TMEM63A: variants seen among roughly 807,000 people sequenced by gnomAD.
TMEM63A encodes mechanosensitive cation channel TMEM63A.
TMEM63A carries 76 observed loss-of-function variants against 100.6 expected under a neutral mutation model. That is an observed-to-expected ratio of 0.76 (90% CI 0.63 to 0.91). TMEM63A has a LOEUF of 0.91. Among genes scored for constraint, TMEM63A ranks in the 40% least tolerant of loss-of-function variants. TMEM63A has a pLI of 0.00. For missense variants in TMEM63A, 876 were observed against 1,008.8 expected (o/e 0.87, Z 1.78); for synonymous variants, 401 against 401.1 (o/e 1.00, Z 0.00).
intron 18 of TMEM63A, among the ~76,000 whole-genome samples, chr1:225,854,603 G>A (rs1467753921): frequency 6.6e-6 from 1 of 152,184 alleles, no homozygotes; most frequent in South Asian, 2.1e-4. Flanking sequence ...GGTAAAAGTC[G>A]AGAGTTTGGT....
At chr1:225,860,800 G>T in intron 14 of TMEM63A, 60 bp downstream of exon 14, 1 of 1,532,038 alleles carries the variant, frequency 6.5e-7, no homozygotes, top group Non-Finnish European at 8.8e-7. Flanking sequence ...TCCAGGTGAT[G>T]GGCAGCTCCC....
chr1:225,844,991 G>A (rs2102793997), downstream of TMEM63A, among the ~76,000 whole-genome samples: 1 of 152,286 alleles, frequency 6.6e-6, no homozygotes, highest in East Asian at 1.9e-4. Context: ...CTCAGTGAGG[G>A]GAGAGCGGTT....
chr1:225,841,744 G>T (rs1398927083), downstream of TMEM63A, among the ~76,000 whole-genome samples: 1 of 151,748 alleles, frequency 6.6e-6, no homozygotes, highest in Non-Finnish European at 1.5e-5. Flanking sequence ...TGGGATTACA[G>T]GCATGCACCA....
At position 225,867,879 on chromosome 1, in the gene TMEM63A, GGTC is replaced by G; in HGVS notation, c.514+6_514+8del. 6.2e-7 allele frequency: 1 copy of G among 1,614,004 alleles called. No individual in the cohort carries two copies. On this transcript the variant is annotated splice_donor_region_variant and intron_variant, in intron 7 of 24. Transcript: ENST00000366835. The surrounding 1 kb of genome is among the most constrained non-coding windows in gnomAD (Gnocchi z 4.6). ...TTACAACATAGACAAGGGTGAGGAG[GGTC>G]ATTACCCAGCAAGTCCCCTGAGAGG... is the stretch of plus-strand genomic sequence containing the variant.
In TMEM63A at chr1:225,846,788, G is replaced by A. The variant is rs910825834; in HGVS notation, c.*151C>T. The stretch of plus-strand genomic sequence containing the variant: ...AACTGGGTGAGCAAGGGAGGGGCGA[G>A]GCCTGCCTGTGCTCTCCTCACCACT... On this transcript the variant is annotated 3_prime_UTR_variant, in exon 25 of 25. Transcript: ENST00000366835. 9.8e-6 allele frequency: 4 copies of A among 407,544 alleles called. No individual in the cohort carries two copies. Among genetic ancestry groups the A allele is most frequent in the African/African-American group, 6.1e-5 (3 of 48,926 alleles). 25.2% of individuals were successfully genotyped at this position (407,544 alleles called of 1,614,324 possible). A position where few individuals can be genotyped will look rare whatever the true frequency, so the allele number is the denominator to read the frequency against.
At position 225,877,609 on chromosome 1, in the gene TMEM63A, A is replaced by G. The variant is rs770267879; in HGVS notation, c.-14-15T>C. 6 of 1,604,034 alleles carry G rather than the reference A, an allele frequency of 3.7e-6. No individual in the cohort carries two copies. The African/African-American group carries it at 6.7e-5, about 18-fold the overall frequency. On this transcript the variant is annotated splice_polypyrimidine_tract_variant and intron_variant, in intron 2 of 24. Transcript: ENST00000366835. ...GCCTGTCTTCCCTGGAGCACAGGAC[A>G]ACAGGACAAGGCAGACGTTCAGGGC...
At chr1:225,874,438 G>T in intron 3 of TMEM63A, 71 bp from the exon 4 acceptor site, 1 of 1,400,004 alleles carries the variant, frequency 7.1e-7, no homozygotes, top group East Asian at 2.3e-5. Flanking sequence ...GCGGTCTCAG[G>T]GGTAAAGCCC....
chr1:225,853,615 C>T lies in TMEM63A; in HGVS notation c.1797+14G>A, dbSNP rs1444804203. 1 of 1,548,228 alleles carries T rather than the reference C, an allele frequency of 6.5e-7. No homozygotes were observed. The highest frequency in any genetic ancestry group is 8.7e-7 in the Non-Finnish European group (1 of 1,144,720). On this transcript the variant is annotated intron_variant, in intron 19 of 24. Coordinates refer to ENST00000366835, the MANE Select transcript of TMEM63A (RefSeq NM_014698.3). This position sits in a 1 kb window ranked among gnomAD's most constrained non-coding sequence, Gnocchi z 4.0. Reference sequence around the variant, plus strand: ...GGGAGTCAGAGGCACAGCCCTGGGCCCAGGGGATGGCACCTGCTTGACATT... The same window carrying T: ...GGGAGTCAGAGGCACAGCCCTGGGCTCAGGGGATGGCACCTGCTTGACATT...
At chr1:225,842,040 C>T (rs559010310), downstream of TMEM63A, among the ~76,000 whole-genome samples, 25 of 152,348 alleles carry the variant, frequency 1.6e-4, no homozygotes, top group African/African-American at 5.8e-4. Flanking sequence ...TGAAAAACCC[C>T]GCCTTTTTAA....
At chr1:225,857,379 C>CGGGGGGGGGGGGGG (rs369068747) in intron 15 of TMEM63A, among the ~76,000 whole-genome samples, 17 of 112,748 alleles carry the variant, frequency 1.5e-4, no homozygotes, top group African/African-American at 4.8e-4. Flanking sequence ...TCCTGGCCGG[C>CGGGGGGGGGGGGGG]GGGGCGGGGG....
At chr1:225,881,752 C>A (rs1671100931) in intron 1 of TMEM63A, among the ~76,000 whole-genome samples, 1 of 152,188 alleles carries the variant, frequency 6.6e-6, no homozygotes, top group Admixed American at 6.5e-5. Flanking sequence ...GGAACCTTTG[C>A]GGATTTGGTT....
intron 15 of TMEM63A, 132 bp from the exon 16 acceptor site, chr1:225,857,149 A>T: frequency 2.9e-6 from 2 of 678,126 alleles, no homozygotes; most frequent in South Asian, 5.1e-5. Context: ...CCCAGAACCA[A>T]AACTGTGCCA....
chr1:225,867,947 AC>A lies in TMEM63A; in HGVS notation c.454del (p.Val152TrpfsTer32). On this transcript the variant is annotated frameshift_variant, in exon 7 of 25. Transcript: ENST00000366835. LOFTEE classifies it high-confidence loss of function. The surrounding 1 kb of genome is among the most constrained non-coding windows in gnomAD (Gnocchi z 4.6). The stretch of plus-strand genomic sequence containing the variant: ...GACACACAGGGACAAAAAGCTGACC[AC>A]CACCAACAGGAAGATGATGTGCCTC... ...FQRHIIFLLVVVSFLSLCVIL... is the reference protein window; with the variant it reads ...FQRHIIFLLVXVSFLSLCVIL... 6.2e-7 allele frequency: 1 copy of A among 1,614,154 alleles called. No homozygotes were observed. Among genetic ancestry groups the A allele is most frequent in the Non-Finnish European group, 8.5e-7 (1 of 1,180,022 alleles).
chr1:225,843,528 CA>C (rs1668616438), downstream of TMEM63A, among the ~76,000 whole-genome samples: 1 of 152,200 alleles, frequency 6.6e-6, no homozygotes, highest in South Asian at 2.1e-4. Flanking sequence ...GGAGCTTCTG[CA>C]AGACCACCTT....
downstream of TMEM63A, among the ~76,000 whole-genome samples, chr1:225,842,186 C>T (rs958922695): frequency 6.6e-6 from 1 of 152,178 alleles, no homozygotes; most frequent in African/African-American, 2.4e-5. Flanking sequence ...ATGAGGATGC[C>T]GAGGCAGAGT....
chr1:225,877,034 C>A (rs112977550), intron 3 of TMEM63A, among the ~76,000 whole-genome samples: 1 of 152,108 alleles, frequency 6.6e-6, no homozygotes, highest in East Asian at 1.9e-4. Context: ...TATTCTAGTC[C>A]GTACTCTCCA....
In TMEM63A at chr1:225,866,696, C is replaced by T. The variant is rs776041956; in HGVS notation, c.567-14G>A. 1 of 1,612,388 alleles carries T rather than the reference C, an allele frequency of 6.2e-7. No individual in the cohort carries two copies. On this transcript the variant is annotated splice_polypyrimidine_tract_variant and intron_variant, in intron 8 of 24. Coordinates refer to ENST00000366835, the MANE Select transcript of TMEM63A (RefSeq NM_014698.3). Reference sequence around the variant, plus strand: ...AGGAGGTCATTGCTGAGAGGGAAACCACCTGCCATCAGGGCTGGGATCCCA... The same window carrying T: ...AGGAGGTCATTGCTGAGAGGGAAACTACCTGCCATCAGGGCTGGGATCCCA...
At chr1:225,870,697 C>T (rs747638581) in intron 6 of TMEM63A, among the ~76,000 whole-genome samples, 3 of 152,170 alleles carry the variant, frequency 2.0e-5, no homozygotes, top group Non-Finnish European at 2.9e-5. Context: ...AAAAAAATAG[C>T]TTTAATTAGT....
intron 23 of TMEM63A, chr1:225,848,265 T>A: frequency 1.8e-6 from 1 of 552,660 alleles, no homozygotes; most frequent in South Asian, 2.4e-5. Flanking sequence ...CCAAGGGGGA[T>A]GGCCATGAAT....
Sources: allele counts gnomAD v4.1 joint callset (sites outside exome capture counted in the v4.1 genomes callset), GRCh38; gene constraint gnomAD v4.1.1; non-coding constraint Gnocchi (gnomAD v3.1); transcripts MANE v1.5; gene names NCBI Gene and HGNC (gene_info 2026-07-23, HGNC 2026-07-21).